The following FBRS variants were observed in gnomAD, a reference collection of about 807,000 sequenced individuals.
FBRS encodes the protein fibrosin.
A neutral mutation model predicts 86.1 loss-of-function variants in FBRS; 15 were observed. That is an observed-to-expected ratio of 0.17 (90% confidence interval 0.12 to 0.27). The LOEUF is 0.27. FBRS is among the 10% of genes least tolerant of loss of function. The pLI, the probability that FBRS is intolerant of heterozygous loss-of-function variation, is 1.00. For synonymous variants in FBRS, 666 were observed against 575.8 expected (o/e 1.16, Z -2.24); for missense variants, 1,367 against 1,301.6 (o/e 1.05, Z -0.77).
chr16:30,667,694 C>A, intron 15 of FBRS, 72 bp downstream of exon 15: 1 of 1,351,360 alleles, frequency 7.4e-7, no homozygotes, highest in Non-Finnish European at 9.9e-7. Flanking sequence ...TCAGACCCAG[C>A]AGGCAGCTGG....
chr16:30,660,247 A>T lies in FBRS; in HGVS notation c.460-16A>T. 1 of 1,322,658 alleles carries T rather than the reference A, an allele frequency of 7.6e-7. No homozygotes were observed. Among genetic ancestry groups the T allele is most frequent in the Non-Finnish European group, 9.7e-7 (1 of 1,028,508 alleles). 81.9% of individuals were successfully genotyped at this position (1,322,658 alleles called of 1,614,324 possible). The stretch of plus-strand genomic sequence containing the variant: ...GCCCTTTTCCATCTATCTCAGCCCC[A>T]CCTCCTCCTCCACAGAAGGATGCAT... On this transcript the variant is annotated splice_polypyrimidine_tract_variant and intron_variant, in intron 1 of 17. Coordinates refer to ENST00000356166, the MANE Select transcript of FBRS (RefSeq NM_001105079.3).
chr16:30,666,764 C>T (rs1026250270), intron 12 of FBRS, among the ~76,000 whole-genome samples, 155 bp from the exon 13 acceptor site: 23 of 152,128 alleles, frequency 1.5e-4, no homozygotes, highest in Admixed American at 1.5e-3. Flanking sequence ...CCTCAGTTTC[C>T]TAGGCTGTAA....
At chr16:30,660,040 G>A (rs1477034051) in intron 1 of FBRS, 63 bp downstream of exon 1, 1 of 1,517,318 alleles carries the variant, frequency 6.6e-7, no homozygotes, top group Non-Finnish European at 8.8e-7. Flanking sequence ...AGGGGGCAGT[G>A]CCCCTAGTGG....
At chr16:30,661,953 C>CT (rs2052467636) in intron 4 of FBRS, 1 of 180,278 alleles carries the variant, frequency 5.5e-6, no homozygotes, top group East Asian at 1.7e-4. Context: ...TCATCCATCT[C>CT]TATCTGTCTA....
rs1421058733 is a variant in FBRS, at chr16:30,661,213, A to C, written c.673A>C (p.Ile225Leu). The C allele has an allele frequency of 6.4e-7, 1 of 1,550,686 alleles. No individual in the cohort carries two copies. Among genetic ancestry groups the C allele is most frequent in the Admixed American group, 2.0e-5 (1 of 50,990 alleles). The change falls in exon 3 of 18, where the codon ATA becomes CTA. Residue 225 changes from isoleucine to leucine, a missense_variant and splice_region_variant. Transcript: ENST00000356166. ...SSRHSLEAGY[I>L]CDAESDLDER... ...CCGTCACTCTCTGGAAGCTGGATAC[A>C]TAGTAAGTGCTATCCACCTGTCCTG...
intron 15 of FBRS, 193 bp downstream of exon 15, chr16:30,667,815 C>T (rs1361054770): frequency 1.4e-5 from 7 of 493,810 alleles, no homozygotes; most frequent in African/African-American, 2.0e-5. Context: ...GGCAGGGTGA[C>T]TTCAGTCTCT....
intron 4 of FBRS, 50 bp from the exon 5 acceptor site, chr16:30,662,370 A>C: frequency 6.5e-7 from 1 of 1,549,032 alleles, no homozygotes; most frequent in South Asian, 1.2e-5. Context: ...TCCTGGGTGG[A>C]GGCCTGGCCC....
At chr16:30,662,084 T>G (rs2052469518) in intron 4 of FBRS, 1 of 306,928 alleles carries the variant, frequency 3.3e-6, no homozygotes, top group Non-Finnish European at 6.1e-6. Context: ...TTACCAACGC[T>G]GGTGGACCAA....
chr16:30,665,008 A>C lies in FBRS; in HGVS notation c.1564-27A>C. ...GGGAAGGCCCGGGTCCCTGGCTGGC[A>C]GCTTACTCTTCCCTTCTCTTCCCTA... On this transcript the variant is annotated intron_variant, in intron 8 of 17. Transcript: ENST00000356166. This position sits in a 1 kb window ranked among gnomAD's most constrained non-coding sequence, Gnocchi z 4.1. 1.2e-6 allele frequency: 2 copies of C among 1,612,406 alleles called. No individual in the cohort carries two copies. The highest frequency in any genetic ancestry group is 1.7e-6 in the Non-Finnish European group (2 of 1,179,122).
intron 2 of FBRS, 155 bp downstream of exon 2, chr16:30,660,597 A>G: frequency 8.3e-7 from 1 of 1,205,686 alleles, no homozygotes; most frequent in South Asian, 4.0e-5. Flanking sequence ...TCCGGGTCTG[A>G]CGAAGGCCTG....
chr16:30,667,403 G>T lies in FBRS; in HGVS notation c.1959G>T (p.Glu653Asp). Reference sequence around the variant, plus strand: ...ATGGGGCCCTGCCCCCTGGGCAGGAGCTCTCCCACCCGGCCTCCCTCTTCA... The same window carrying T: ...ATGGGGCCCTGCCCCCTGGGCAGGATCTCTCCCACCCGGCCTCCCTCTTCA... The part of the protein sequence containing the change: ...GPYGALPPGQ[E>D]LSHPASLFTA... Residue 653 changes from glutamate (E) to aspartate (D), a missense_variant, in exon 14 of 18, where the codon GAG becomes GAT. Transcript: ENST00000356166. The T allele has an allele frequency of 6.4e-7, 1 of 1,550,538 alleles. No homozygotes were observed.
chr16:30,659,862 A>G lies in FBRS; in HGVS notation c.344A>G (p.Glu115Gly), dbSNP rs940719685. 103 of 1,531,874 alleles carry G rather than the reference A, an allele frequency of 6.7e-5. No homozygotes were observed. The highest frequency in any genetic ancestry group is 3.1e-4 in the African/African-American group (22 of 71,984). The allele number at this position is 1,531,874 out of a possible 1,614,324, so 94.9% of individuals were successfully genotyped here. A position where few individuals can be genotyped will look rare whatever the true frequency, so the allele number is the denominator to read the frequency against. Residue 115 changes from glutamate (E) to glycine (G), a missense_variant, in exon 1 of 18, where the codon GAG becomes GGG. By Grantham distance (98) the Glu-to-Gly change is moderately conservative (BLOSUM62 -2). Around this residue, in one of 3 missense-constraint regions of FBRS, gnomAD observed 702 missense variants for 598.7 expected, o/e 1.17. Coordinates refer to ENST00000356166, the MANE Select transcript of FBRS (RefSeq NM_001105079.3). ...GAGGAAGAGGAGGAGGAGGAGGAGGAGGGGGGCGCAGACGACGGCGAAGCC... is the reference window on the plus strand; with the variant it reads ...GAGGAAGAGGAGGAGGAGGAGGAGGGGGGGGGCGCAGACGACGGCGAAGCC... The part of the protein sequence containing the change: ...RGEEEEEEEE[E>G]GGADDGEAEE...
rs761796565 is a variant in FBRS at position 30,664,284 on chromosome 16, GTCCTCC to G, written c.1134_1139del (p.Ser380_Ser381del). 1.4e-6 allele frequency: 2 copies of G among 1,415,380 alleles called. No homozygotes were observed. The highest frequency in any genetic ancestry group is 1.9e-6 in the Non-Finnish European group (2 of 1,072,324). 87.7% of individuals were successfully genotyped at this position (1,415,380 alleles called of 1,614,324 possible). On this transcript the variant is annotated inframe_deletion, in exon 7 of 18. Coordinates refer to ENST00000356166, the MANE Select transcript of FBRS (RefSeq NM_001105079.3). Reference sequence around the variant, plus strand: ...AGCCTCCCCCCTCATCATCCTCTTCGTCCTCCTCCTCCTCATCTGCCTCCTCCTCGT... The same window carrying G: ...AGCCTCCCCCCTCATCATCCTCTTCGTCCTCCTCATCTGCCTCCTCCTCGT...
At position 30,658,950 on chromosome 16, in the gene FBRS, G is replaced by A. The variant is rs983182450; in HGVS notation, c.-569G>A. Reference sequence around the variant, plus strand: ...AGAAGTCTTTTAAATTCAACTTAAAGGGGAAGTGGCCGCTTGTGGAGGACT... The same window carrying A: ...AGAAGTCTTTTAAATTCAACTTAAAAGGGAAGTGGCCGCTTGTGGAGGACT... On this transcript the variant is annotated 5_prime_UTR_variant, in exon 1 of 18. Transcript: ENST00000356166. The A allele has an allele frequency of 6.6e-6, 1 of 152,252 alleles. No homozygotes were observed. Among genetic ancestry groups the A allele is most frequent in the Non-Finnish European group, 1.5e-5 (1 of 68,064 alleles). 9.4% of individuals were successfully genotyped at this position (152,252 alleles called of 1,614,324 possible). A position where few individuals can be genotyped will look rare whatever the true frequency, so the allele number is the denominator to read the frequency against.
chr16:30,658,676 T>G lies in FBRS; in HGVS notation c.-843T>G, dbSNP rs937415676. 6.6e-6 allele frequency: 1 copy of G among 152,258 alleles called. No individual in the cohort carries two copies. Among genetic ancestry groups the G allele is most frequent in the Non-Finnish European group, 1.5e-5 (1 of 68,066 alleles). 9.4% of individuals were successfully genotyped at this position (152,258 alleles called of 1,614,324 possible). A position where few individuals can be genotyped will look rare whatever the true frequency, so the allele number is the denominator to read the frequency against. On this transcript the variant is annotated 5_prime_UTR_variant, in exon 1 of 18. Coordinates refer to ENST00000356166, the MANE Select transcript of FBRS (RefSeq NM_001105079.3). ...CACCGTTGCCTCACATCCGGGGCTT[T>G]GGAGGGCTGGCCTCGCTGCCCCGCC...
At chr16:30,661,018 G>T (rs980765045) in intron 2 of FBRS, among the ~76,000 whole-genome samples, 162 bp from the exon 3 acceptor site, 1 of 152,176 alleles carries the variant, frequency 6.6e-6, no homozygotes, top group Non-Finnish European at 1.5e-5. Context: ...TTTAGAGAAT[G>T]GTGAGAGCAC....
chr16:30,669,666 G>A lies in FBRS; in HGVS notation c.*21G>A. On this transcript the variant is annotated 3_prime_UTR_variant, in exon 18 of 18. Coordinates refer to ENST00000356166, the MANE Select transcript of FBRS (RefSeq NM_001105079.3). This position sits in a 1 kb window ranked among gnomAD's most constrained non-coding sequence, Gnocchi z 5.9. Reference sequence around the variant, plus strand: ...GGTGAGGGGAACGGGGGGGGGTCGGGGCAAAGCTCCATCTCCCCTTCCTTT... The same window carrying A: ...GGTGAGGGGAACGGGGGGGGGTCGGAGCAAAGCTCCATCTCCCCTTCCTTT... 2 of 1,567,090 alleles carry A rather than the reference G, an allele frequency of 1.3e-6. No homozygotes were observed. The highest frequency in any genetic ancestry group is 1.7e-6 in the Non-Finnish European group (2 of 1,163,120).
At chr16:30,660,647 C>G in intron 2 of FBRS, 1 of 802,786 alleles carries the variant, frequency 1.2e-6, no homozygotes, top group African/African-American at 1.8e-5. Flanking sequence ...GGTTCTGTGT[C>G]TACTTCAAAC....
chr16:30,669,680 T>C lies in FBRS; in HGVS notation c.*35T>C. The C allele has an allele frequency of 6.5e-7, 1 of 1,547,418 alleles. No homozygotes were observed. Among genetic ancestry groups the C allele is most frequent in the Non-Finnish European group, 8.7e-7 (1 of 1,154,780 alleles). ...GGGGGGGTCGGGGCAAAGCTCCATC[T>C]CCCCTTCCTTTAACCAGGTCCTAGG... On this transcript the variant is annotated 3_prime_UTR_variant, in exon 18 of 18. Coordinates refer to ENST00000356166, the MANE Select transcript of FBRS (RefSeq NM_001105079.3). This position sits in a 1 kb window ranked among gnomAD's most constrained non-coding sequence, Gnocchi z 5.9.
Sources: gnomAD v4.1 joint callset for allele counts (sites outside exome capture counted in the v4.1 genomes callset) on GRCh38, gnomAD v4.1.1 for gene constraint, gnomAD v4.1.1 regional missense constraint, Gnocchi (gnomAD v3.1) non-coding constraint, MANE v1.5 for transcripts, NCBI Gene and HGNC (gene_info 2026-07-23, HGNC 2026-07-21) for gene names.